Variants in TAFA2 observed in about 807,000 individuals in gnomAD.
TAFA2 encodes the protein chemokine-like protein TAFA-2.
In TAFA2, 7 loss-of-function variants were observed where a neutral mutation model predicts 18.8. The ratio of observed to expected loss-of-function variants is 0.37; its 90% CI spans 0.21 to 0.70. The LOEUF is 0.70. TAFA2 is among the 30% of genes least tolerant of loss of function. The probability of loss-of-function intolerance (pLI) is 0.53; values close to 1 mark genes in which losing one functional copy is unlikely to be tolerated. For missense variants in TAFA2, 122 were observed against 158.1 expected (o/e 0.77, Z 1.23); for synonymous variants, 60 against 54.2 (o/e 1.11, Z -0.47).
At chr12:62,235,686 A>G (rs2062833793) in intron 1 of TAFA2, among the ~76,000 whole-genome samples, 1 of 152,018 alleles carries the variant, frequency 6.6e-6, no homozygotes, top group Non-Finnish European at 1.5e-5. Context: ...TTTAATGGTA[A>G]TATGTTTAAA....
chr12:61,757,018 C>T (rs576617203), intron 2 of TAFA2, among the ~76,000 whole-genome samples: 4 of 152,130 alleles, frequency 2.6e-5, no homozygotes, highest in African/African-American at 4.8e-5. Flanking sequence ...AAGGCTGGTA[C>T]ACTATGGTAA....
chr12:62,073,358 A>C (rs1351445135), intron 1 of TAFA2, among the ~76,000 whole-genome samples: 1 of 151,698 alleles, frequency 6.6e-6, no homozygotes, highest in Non-Finnish European at 1.5e-5. Context: ...AGGTGTTATT[A>C]TCTTATCTAT....
chr12:62,015,653 T>A (rs1880913461), intron 1 of TAFA2, among the ~76,000 whole-genome samples: 1 of 152,212 alleles, frequency 6.6e-6, no homozygotes, highest in Non-Finnish European at 1.5e-5. Flanking sequence ...TTTAAGAGGT[T>A]ACTATATAGA....
At chr12:62,006,836 GA>G (rs1555183156) in intron 1 of TAFA2, among the ~76,000 whole-genome samples, 1 of 151,828 alleles carries the variant, frequency 6.6e-6, no homozygotes. Flanking sequence ...TCCTTGCAAG[GA>G]AAAAAGGGAG....
chr12:62,116,276 G>A (rs569419167), intron 1 of TAFA2, among the ~76,000 whole-genome samples: 11 of 152,290 alleles, frequency 7.2e-5, no homozygotes, highest in Non-Finnish European at 1.3e-4. Context: ...AGACATACCT[G>A]AGGCATGCAT....
intron 1 of TAFA2, chr12:61,879,373 C>A (rs1314327787): frequency 5.4e-6 from 4 of 744,648 alleles, no homozygotes; most frequent in African/African-American, 5.2e-5. Context: ...GGCCCCCGGG[C>A]CTTCAGCAGC....
At chr12:61,802,357 T>C (rs1045812112) in intron 2 of TAFA2, among the ~76,000 whole-genome samples, 46 of 152,072 alleles carry the variant, frequency 3.0e-4, no homozygotes, top group African/African-American at 1.1e-3. Context: ...GGAATCAACA[T>C]AAATGTCCAT....
intron 1 of TAFA2, among the ~76,000 whole-genome samples, chr12:62,071,460 G>T (rs977245017): frequency 2.6e-5 from 4 of 152,130 alleles, no homozygotes; most frequent in Non-Finnish European, 5.9e-5. Flanking sequence ...AGAGCAACAT[G>T]GTCTCATTCG....
intron 1 of TAFA2, among the ~76,000 whole-genome samples, chr12:61,912,582 T>G (rs1016872736): frequency 4.6e-5 from 7 of 152,164 alleles, no homozygotes; most frequent in African/African-American, 1.7e-4. Context: ...AGAAAAACAA[T>G]ATTCATGAGA....
At chr12:61,847,074 C>G (rs1207193902) in intron 2 of TAFA2, among the ~76,000 whole-genome samples, 1 of 152,206 alleles carries the variant, frequency 6.6e-6, no homozygotes, top group Non-Finnish European at 1.5e-5. Context: ...GCAACTATCT[C>G]TTACTTTCAT....
chr12:61,955,519 T>C (rs1878622256), intron 1 of TAFA2, among the ~76,000 whole-genome samples: 2 of 142,292 alleles, frequency 1.4e-5, no homozygotes, highest in East Asian at 4.3e-4. Context: ...GGAAAATCGC[T>C]TGAACCTGGG....
intron 2 of TAFA2, among the ~76,000 whole-genome samples, chr12:61,811,442 G>A (rs1035490685): frequency 6.6e-6 from 1 of 151,358 alleles, no homozygotes; most frequent in African/African-American, 2.5e-5. Context: ...AAACTTGTAA[G>A]TTCACGGTTC....
intron 4 of TAFA2, among the ~76,000 whole-genome samples, chr12:61,727,922 T>C (rs1326158258): frequency 6.6e-6 from 1 of 151,984 alleles, no homozygotes; most frequent in Non-Finnish European, 1.5e-5. Flanking sequence ...ACTATTATCA[T>C]TCAGTTCAAA....
chr12:62,082,032 G>A (rs1390219752), intron 1 of TAFA2, among the ~76,000 whole-genome samples: 1 of 151,866 alleles, frequency 6.6e-6, no homozygotes, highest in African/African-American at 2.4e-5. Flanking sequence ...TTATAAGTGA[G>A]AATATACAGT....
chr12:62,233,086 T>C (rs2062820104), intron 1 of TAFA2, among the ~76,000 whole-genome samples: 1 of 129,602 alleles, frequency 7.7e-6, no homozygotes, highest in Non-Finnish European at 1.6e-5. Flanking sequence ...TTTTTTTTTT[T>C]TTTTTTTTTT....
At chr12:61,820,951 AC>A (rs1592411212) in intron 2 of TAFA2, among the ~76,000 whole-genome samples, 1 of 151,994 alleles carries the variant, frequency 6.6e-6, no homozygotes, top group East Asian at 1.9e-4. Context: ...TAATCAATGG[AC>A]AGATGTATTT....
At chr12:61,757,201 T>C (rs886875183) in intron 2 of TAFA2, among the ~76,000 whole-genome samples, 1 of 152,032 alleles carries the variant, frequency 6.6e-6, no homozygotes, top group Non-Finnish European at 1.5e-5. Flanking sequence ...GGATGAGACT[T>C]AGACTAGATT....
intron 2 of TAFA2, among the ~76,000 whole-genome samples, chr12:61,828,157 C>T (rs1204165865): frequency 6.6e-6 from 1 of 151,918 alleles, no homozygotes; most frequent in African/African-American, 2.4e-5. Context: ...TTCCCTTCAG[C>T]AGCATTTGAT....
At chr12:62,110,837 T>A (rs1009111438) in intron 1 of TAFA2, among the ~76,000 whole-genome samples, 2 of 152,088 alleles carry the variant, frequency 1.3e-5, no homozygotes, top group African/African-American at 4.8e-5. Flanking sequence ...AGCAGTGATA[T>A]CCCCTTTATC....
Sources: allele counts gnomAD v4.1 joint callset (sites outside exome capture counted in the v4.1 genomes callset), GRCh38; gene constraint gnomAD v4.1.1; transcripts MANE v1.5; gene names NCBI Gene and HGNC (gene_info 2026-07-23, HGNC 2026-07-21).